Variants in UNC13C observed in about 807,000 individuals in gnomAD.
The protein encoded by UNC13C is unc-13 homolog C, also known as protein unc-13 homolog C.
Under a neutral mutation model 245.4 loss-of-function variants are expected in UNC13C, and 174 were observed. The ratio of observed to expected loss-of-function variants is 0.71; its 90% CI spans 0.63 to 0.80. The LOEUF (loss-of-function observed/expected upper bound fraction) is 0.80. UNC13C is among the 30% of genes least tolerant of loss of function. The pLI is 0.00. For synonymous variants in UNC13C, 992 were observed against 895.1 expected (o/e 1.11, Z -1.93); for missense variants, 2,829 against 2,602.9 (o/e 1.09, Z -1.89).
intron 22 of UNC13C, among the ~76,000 whole-genome samples, chr15:54,504,068 G>A (rs980574272): frequency 1.3e-5 from 2 of 152,156 alleles, no homozygotes; most frequent in Admixed American, 6.6e-5. Flanking sequence ...AAGCTATGAT[G>A]AGTGATAAAA....
chr15:54,294,161 G>A, intron 11 of UNC13C, 97 bp downstream of exon 11: 1 of 1,067,584 alleles, frequency 9.4e-7, no homozygotes. Context: ...AATAACCAAT[G>A]CCTTTCCAGG....
At chr15:54,584,814 AGGGTGAAATTAGGTGAC>A (rs1277552476) in intron 30 of UNC13C, among the ~76,000 whole-genome samples, 2 of 152,230 alleles carry the variant, frequency 1.3e-5, no homozygotes, top group Non-Finnish European at 2.9e-5. Flanking sequence ...ACCGGGCTTC[AGGGTGAAATTAGGTGAC>A]GGGTGAGACT....
chr15:53,909,760 C>T, the UNC13C span, among the ~76,000 whole-genome samples: 1 of 146,222 alleles, frequency 6.8e-6, no homozygotes, highest in African/African-American at 2.4e-5. Context: ...TTATTTCCCT[C>T]GCTTCTTTTT....
chr15:54,624,353 C>G (rs1901003112), intron 32 of UNC13C, among the ~76,000 whole-genome samples: 1 of 151,984 alleles, frequency 6.6e-6, no homozygotes. Context: ...TGAAACCTGT[C>G]CAAATAAAAA....
chr15:54,302,640 A>G (rs976895678), intron 13 of UNC13C, among the ~76,000 whole-genome samples: 6 of 152,048 alleles, frequency 3.9e-5, no homozygotes, highest in African/African-American at 1.4e-4. Context: ...GTTCTGTTCC[A>G]TTGGTCTCTA....
chr15:54,123,671 C>T (rs992279527), intron 2 of UNC13C, among the ~76,000 whole-genome samples: 2 of 152,078 alleles, frequency 1.3e-5, no homozygotes, highest in Admixed American at 1.3e-4. Context: ...AGTTACATCT[C>T]ATTACGTAGA....
At chr15:54,051,709 G>A (rs1356082043) in intron 2 of UNC13C, among the ~76,000 whole-genome samples, 1 of 150,134 alleles carries the variant, frequency 6.7e-6, no homozygotes, top group Non-Finnish European at 1.5e-5. Context: ...GTTTTCCAGG[G>A]CCTGAAGAAA....
At chr15:54,045,382 T>C (rs766168659) in intron 2 of UNC13C, among the ~76,000 whole-genome samples, 3 of 152,226 alleles carry the variant, frequency 2.0e-5, no homozygotes, top group Non-Finnish European at 4.4e-5. Context: ...CACATTTTTC[T>C]TAAAAGATAT....
At chr15:54,384,327 C>A (rs943054957) in intron 17 of UNC13C, among the ~76,000 whole-genome samples, 29 of 152,020 alleles carry the variant, frequency 1.9e-4, no homozygotes, top group Non-Finnish European at 3.8e-4. Context: ...ACCAATGAAA[C>A]TGAATAGAGG....
At chr15:54,573,815 C>T (rs1402569034) in intron 30 of UNC13C, among the ~76,000 whole-genome samples, 1 of 152,116 alleles carries the variant, frequency 6.6e-6, no homozygotes, top group Non-Finnish European at 1.5e-5. Context: ...ACAGCCTTCC[C>T]TGTAATAAAA....
intron 10 of UNC13C, among the ~76,000 whole-genome samples, chr15:54,290,645 A>G (rs1485365761): frequency 6.6e-6 from 1 of 152,100 alleles, no homozygotes; most frequent in African/African-American, 2.4e-5. Context: ...ATGTTTACCC[A>G]TATAGTTACT....
rs143743606 is a variant in UNC13C at position 54,291,529 on chromosome 15, G to A, written c.3819-2366G>A. 1.8e-3 allele frequency among the ~76,000 whole-genome samples: 267 copies of A among 151,964 alleles called. 1 individual carries two copies. The highest frequency in any genetic ancestry group is 3.4e-3 in the Middle Eastern group (1 of 294). On this transcript the variant is annotated intron_variant, in intron 10 of 32. Coordinates refer to ENST00000260323, the MANE Select transcript of UNC13C (RefSeq NM_001080534.3). Reference sequence around the variant, plus strand: ...GTCAATAATAGATATATTAAACATAGGCTCTAACTTCAAAAAGAACGTGGA... The same window carrying A: ...GTCAATAATAGATATATTAAACATAAGCTCTAACTTCAAAAAGAACGTGGA...
chr15:54,426,326 G>T (rs548991577), intron 19 of UNC13C, among the ~76,000 whole-genome samples: 3 of 147,372 alleles, frequency 2.0e-5, no homozygotes, highest in South Asian at 4.5e-4. Context: ...ATATTATCTC[G>T]TATGGTTGTT....
At chr15:54,366,722 G>C (rs2039373425) in intron 17 of UNC13C, among the ~76,000 whole-genome samples, 1 of 152,260 alleles carries the variant, frequency 6.6e-6, no homozygotes, top group South Asian at 2.1e-4. Context: ...AGAGCTCTCA[G>C]TGATTTTTTT....
intron 10 of UNC13C, among the ~76,000 whole-genome samples, chr15:54,281,719 T>G (rs997602966): frequency 2.0e-5 from 3 of 152,234 alleles, no homozygotes; most frequent in African/African-American, 7.2e-5. Context: ...ATGTACACAT[T>G]AATCCATTTA....
intron 1 of UNC13C, among the ~76,000 whole-genome samples, chr15:53,990,779 C>A (rs1278730095): frequency 1.3e-5 from 2 of 151,906 alleles, no homozygotes; most frequent in Non-Finnish European, 2.9e-5. Context: ...TCTCCTTGTC[C>A]CTATCATGTA....
At chr15:54,204,947 T>C (rs7175897) in intron 4 of UNC13C, among the ~76,000 whole-genome samples, 12,622 of 152,056 alleles carry the variant, frequency 0.083, 727 homozygotes, top group African/African-American at 0.16. Flanking sequence ...ACAGTTTCAA[T>C]GTCATGTTAA....
intron 19 of UNC13C, among the ~76,000 whole-genome samples, chr15:54,450,838 GA>G (rs1421936707): frequency 1.3e-5 from 2 of 152,164 alleles, no homozygotes; most frequent in Non-Finnish European, 2.9e-5. Flanking sequence ...TGGAAATGCA[GA>G]AATCACCCAT....
chr15:54,360,508 C>A (rs1216808639), intron 17 of UNC13C, among the ~76,000 whole-genome samples: 1 of 151,916 alleles, frequency 6.6e-6, no homozygotes, highest in African/African-American at 2.4e-5. Context: ...ATTTAAAATT[C>A]TTGTGTCTGC....
Sources: allele counts gnomAD v4.1 joint callset (sites outside exome capture counted in the v4.1 genomes callset), GRCh38; gene constraint gnomAD v4.1.1; transcripts MANE v1.5; gene names NCBI Gene and HGNC (gene_info 2026-07-23, HGNC 2026-07-21).